NCAPG2: variants seen among roughly 807,000 people sequenced by gnomAD.
NCAPG2 encodes non-SMC condensin II complex subunit G2, also known as condensin-2 complex subunit G2.
Under a neutral mutation model 141.1 loss-of-function variants are expected in NCAPG2, and 53 were observed. The ratio of observed to expected loss-of-function variants is 0.38; its 90% confidence interval spans 0.30 to 0.47. The LOEUF (loss-of-function observed/expected upper bound fraction) is 0.47, where lower values mean the gene tolerates loss of function less well. Ranked by LOEUF, NCAPG2 falls within the 20% of genes least tolerant of loss-of-function variation. The pLI is 0.99. For synonymous variants in NCAPG2, 499 were observed against 490.7 expected (o/e 1.02, Z -0.22); for missense variants, 1,087 against 1,389.0 (o/e 0.78, Z 3.46).
At chr7:158,651,507 T>C (rs551267467) in intron 23 of NCAPG2, among the ~76,000 whole-genome samples, 1 of 152,318 alleles carries the variant, frequency 6.6e-6, no homozygotes, top group Admixed American at 6.5e-5. Context: ...GTCTTCAATA[T>C]TTCATAAATA....
chr7:158,670,007 A>G (rs1380710629), intron 13 of NCAPG2, among the ~76,000 whole-genome samples: 1 of 152,146 alleles, frequency 6.6e-6, no homozygotes, highest in Non-Finnish European at 1.5e-5. Flanking sequence ...AAGAACAGCA[A>G]AGCTGGAGAA....
intron 17 of NCAPG2, among the ~76,000 whole-genome samples, 177 bp downstream of exon 17, chr7:158,658,161 A>G (rs1832164355): frequency 6.6e-6 from 1 of 151,876 alleles, no homozygotes. Context: ...AAAAAAAAAA[A>G]AAAAAGAAAA....
chr7:158,650,939 A>G lies in NCAPG2; in HGVS notation c.2968T>C (p.Phe990Leu), dbSNP rs769681178. 6.2e-7 allele frequency: 1 copy of G among 1,613,176 alleles called. No individual in the cohort carries two copies. Among genetic ancestry groups the G allele is most frequent in the South Asian group, 1.1e-5 (1 of 90,884 alleles). Residue 990 changes from phenylalanine (F) to leucine (L), a missense_variant, in exon 24 of 28, where the codon TTC becomes CTC. Coordinates refer to ENST00000356309, the MANE Select transcript of NCAPG2 (RefSeq NM_017760.7). ...LYSVQRPLHEFITAVQSRHTD... is the reference protein window; with the variant it reads ...LYSVQRPLHELITAVQSRHTD... ...TGCCGAGACTGAACAGCAGTAATGA[A>G]CTCATGAAGAGGCCTCTGAACAGAA...
Position 158,667,090 on chromosome 7 carries a change from T to C in NCAPG2, c.1480-2340A>G, listed in dbSNP as rs955563221. On this transcript the variant is annotated intron_variant, in intron 13 of 27. Coordinates refer to ENST00000356309, the MANE Select transcript of NCAPG2 (RefSeq NM_017760.7). ...TGCCTCTTATACTCATGTCATTCTG[T>C]AACCTTAACTTTCAAGGGAAATTAG... 3 of 970,864 alleles carry C rather than the reference T, an allele frequency of 3.1e-6. No homozygotes were observed. The African/African-American group carries it at 5.3e-5, about 17-fold the overall frequency. 60.1% of individuals were successfully genotyped at this position (970,864 alleles called of 1,614,324 possible).
In NCAPG2 at chr7:158,633,039, T is replaced by C. The variant is rs1829984546; in HGVS notation, c.3381-1322A>G. Among the ~76,000 whole-genome samples the C allele has an allele frequency of 6.6e-6, 1 of 152,212 alleles. No individual in the cohort carries two copies. The highest frequency in any genetic ancestry group is 1.5e-5 in the Non-Finnish European group (1 of 68,040). On this transcript the variant is annotated intron_variant, in intron 27 of 27. Transcript: ENST00000356309. This position sits in a 1 kb window ranked among gnomAD's most constrained non-coding sequence, Gnocchi z 4.1. ...TCTCTTTATTCCTGGAATTTAGGAATCTTATCCATAATTATTTAGCTGTGA... is the reference window on the plus strand; with the variant it reads ...TCTCTTTATTCCTGGAATTTAGGAACCTTATCCATAATTATTTAGCTGTGA...
intron 9 of NCAPG2, 97 bp from the exon 10 acceptor site, chr7:158,680,913 TCCA>T (rs1374653628): frequency 3.5e-6 from 3 of 859,870 alleles, no homozygotes; most frequent in Non-Finnish European, 5.2e-6. Flanking sequence ...AATTGTTCTC[TCCA>T]CCACAAGTAG....
In NCAPG2 at chr7:158,693,262, CAAAA is replaced by C. The variant is rs201696298; in HGVS notation, c.267+43_267+46del. The C allele has an allele frequency of 5.1e-6, 8 of 1,554,608 alleles. No individual in the cohort carries two copies. In the East Asian group the frequency reaches 1.8e-4, roughly 35 times the overall value. On this transcript the variant is annotated intron_variant, in intron 3 of 27. Transcript: ENST00000356309. ...GATACACAGTGAAGTTATTTTTTGA[CAAAA>C]AAAAGAGAAAAACGTTTCTTATTTT...
At chr7:158,678,661 C>T (rs1834251573) in intron 11 of NCAPG2, among the ~76,000 whole-genome samples, 1 of 147,774 alleles carries the variant, frequency 6.8e-6, no homozygotes, top group African/African-American at 2.5e-5. Context: ...GGACTCCAGG[C>T]TGGGAGACAG....
intron 12 of NCAPG2, among the ~76,000 whole-genome samples, chr7:158,675,036 T>C (rs915688316): frequency 4.6e-5 from 7 of 152,262 alleles, no homozygotes; most frequent in African/African-American, 1.7e-4. Flanking sequence ...TTACAATTTC[T>C]ATAAACCTGA....
At chr7:158,688,547 T>C (rs1834923378) in intron 6 of NCAPG2, among the ~76,000 whole-genome samples, 1 of 152,232 alleles carries the variant, frequency 6.6e-6, no homozygotes, top group South Asian at 2.1e-4. Flanking sequence ...CCAACATCTT[T>C]GTAATAACGA....
chr7:158,684,198 A>G (rs1467744176), intron 8 of NCAPG2, among the ~76,000 whole-genome samples: 3 of 152,224 alleles, frequency 2.0e-5, no homozygotes, highest in Non-Finnish European at 4.4e-5. Context: ...CTGACTTGCA[A>G]TGAAAGATGA....
At chr7:158,649,729 G>A (rs12540177) in intron 24 of NCAPG2, among the ~76,000 whole-genome samples, 78,109 of 152,034 alleles carry the variant, frequency 0.51, 21,657 homozygotes, top group Non-Finnish European at 0.61. Context: ...TATGATTCAC[G>A]TAAATATTAA....
chr7:158,688,193 A>G (rs532792895), intron 6 of NCAPG2, among the ~76,000 whole-genome samples: 31 of 142,188 alleles, frequency 2.2e-4, no homozygotes, highest in African/African-American at 7.1e-4. Context: ...AAAAAACAGT[A>G]ATATTCACTG....
At chr7:158,684,760 C>A (rs994542380) in intron 8 of NCAPG2, among the ~76,000 whole-genome samples, 1 of 152,210 alleles carries the variant, frequency 6.6e-6, no homozygotes, top group South Asian at 2.1e-4. Context: ...GCCATGTTGG[C>A]CAGGCTGGTC....
At chr7:158,697,584 G>C (rs1835531835) in intron 2 of NCAPG2, among the ~76,000 whole-genome samples, 1 of 146,878 alleles carries the variant, frequency 6.8e-6, no homozygotes, top group Admixed American at 6.9e-5. Flanking sequence ...CTGAGCAACA[G>C]AGCAAGGCTC....
chr7:158,654,905 T>C, intron 21 of NCAPG2: 4 of 1,131,178 alleles, frequency 3.5e-6, no homozygotes, highest in Non-Finnish European at 4.8e-6. Flanking sequence ...ACAAACATAA[T>C]CGAACACCTC....
rs776927177 is a variant in NCAPG2, at chr7:158,689,912, T to C, written c.579A>G (p.Leu193=). ...CCTCCAAATCATAATCAAAGCAATA[T>C]AAAGCTTGATGGATACGCCAAAGCC... The part of the protein sequence containing the change: ...VCRLWRIHQA[L]YCFDYDLEES... The change falls in exon 6 of 28, where the codon TTA becomes TTG. Residue 193 remains leucine (L), a synonymous_variant. Transcript: ENST00000356309. 7 of 1,605,488 alleles carry C rather than the reference T, an allele frequency of 4.4e-6. No individual in the cohort carries two copies. Among genetic ancestry groups the C allele is most frequent in the Non-Finnish European group, 5.9e-6 (7 of 1,176,506 alleles).
At chr7:158,652,585 A>T in intron 22 of NCAPG2, 105 bp from the exon 23 acceptor site, 3 of 943,212 alleles carry the variant, frequency 3.2e-6, no homozygotes, top group Non-Finnish European at 4.6e-6. Flanking sequence ...CAAAAAAGAG[A>T]TTATTACACT....
chr7:158,644,822 T>C (rs930678749), intron 26 of NCAPG2, among the ~76,000 whole-genome samples: 6 of 152,182 alleles, frequency 3.9e-5, no homozygotes, highest in African/African-American at 1.4e-4. Flanking sequence ...CCAACCTGGG[T>C]CAAACCAGTT....
Sources: gnomAD v4.1 joint callset for allele counts (sites outside exome capture counted in the v4.1 genomes callset) on GRCh38, gnomAD v4.1.1 for gene constraint, Gnocchi (gnomAD v3.1) non-coding constraint, MANE v1.5 for transcripts, NCBI Gene and HGNC (gene_info 2026-07-23, HGNC 2026-07-21) for gene names.